CHCHD6: variants seen among roughly 807,000 people sequenced by gnomAD.
CHCHD6 encodes MICOS complex subunit MIC25.
In CHCHD6, 28 loss-of-function variants were observed where a neutral mutation model predicts 32.3. That is an observed-to-expected ratio of 0.87 (90% confidence interval 0.64 to 1.19). The LOEUF (loss-of-function observed/expected upper bound fraction) is 1.19. Among genes scored for constraint, CHCHD6 ranks in the 50% most tolerant of loss-of-function variants. The pLI, the probability that CHCHD6 is intolerant of heterozygous loss-of-function variation, is 0.00. For missense variants in CHCHD6, 333 were observed against 307.0 expected (o/e 1.08, Z -0.63); for synonymous variants, 122 against 117.5 (o/e 1.04, Z -0.25).
intron 1 of CHCHD6, among the ~76,000 whole-genome samples, chr3:126,716,958 A>AGT (rs1176933944): frequency 6.6e-6 from 1 of 152,004 alleles, no homozygotes; most frequent in Non-Finnish European, 1.5e-5. Context: ...TAGCTTCTGT[A>AGT]GTGGTTGTCC....
rs376499032 is a variant in CHCHD6, at chr3:126,852,758, C to T, written c.495+28C>T. 118 of 1,510,502 alleles carry T rather than the reference C, an allele frequency of 7.8e-5. No individual in the cohort carries two copies. In the Middle Eastern group the frequency reaches 8.6e-4, roughly 11 times the overall value. 93.6% of individuals were successfully genotyped at this position (1,510,502 alleles called of 1,614,324 possible). ...AAGACTCCTGCTTGGCTGCATTCCT[C>T]GGGGCCAGGTCCTAAAGGCATCTGA... is the stretch of plus-strand genomic sequence containing the variant. On this transcript the variant is annotated intron_variant, in intron 5 of 7. Coordinates refer to ENST00000290913, the MANE Select transcript of CHCHD6 (RefSeq NM_032343.3).
intron 6 of CHCHD6, among the ~76,000 whole-genome samples, chr3:126,926,149 C>T (rs954330065): frequency 6.6e-6 from 1 of 152,194 alleles, no homozygotes; most frequent in Admixed American, 6.5e-5. Context: ...TCCTCCTGGC[C>T]CACCCAAGAC....
intron 4 of CHCHD6, among the ~76,000 whole-genome samples, chr3:126,780,684 T>G (rs1328808632): frequency 6.6e-6 from 1 of 152,146 alleles, no homozygotes; most frequent in African/African-American, 2.4e-5. Flanking sequence ...GTGGTGCTGT[T>G]TCAGGCCTTT....
chr3:126,734,458 G>C (rs1935952498), intron 4 of CHCHD6, among the ~76,000 whole-genome samples: 1 of 152,234 alleles, frequency 6.6e-6, no homozygotes, highest in Admixed American at 6.5e-5. Flanking sequence ...GCTCTCCTGG[G>C]AGGCCAGACA....
chr3:126,862,456 T>C (rs1576513078), intron 5 of CHCHD6, among the ~76,000 whole-genome samples: 3 of 114,862 alleles, frequency 2.6e-5, no homozygotes, highest in Admixed American at 8.8e-5. Flanking sequence ...CACCACCTCC[T>C]CCTCCACCAT....
intron 4 of CHCHD6, among the ~76,000 whole-genome samples, chr3:126,791,924 C>T (rs1459666992): frequency 6.6e-6 from 1 of 152,288 alleles, no homozygotes; most frequent in African/African-American, 2.4e-5. Flanking sequence ...CTTTCTGTTT[C>T]TGTCAGTTTG....
chr3:126,936,497 A>G (rs1481313343), intron 6 of CHCHD6, among the ~76,000 whole-genome samples: 1 of 152,230 alleles, frequency 6.6e-6, no homozygotes, highest in Non-Finnish European at 1.5e-5. Context: ...ATAATTTTTT[A>G]TATTGAAAGA....
At chr3:126,712,347 AC>A (rs2107650210) in intron 1 of CHCHD6, among the ~76,000 whole-genome samples, 1 of 152,302 alleles carries the variant, frequency 6.6e-6, no homozygotes, top group South Asian at 2.1e-4. Flanking sequence ...AGTTATTTCC[AC>A]CTTCTGACTT....
intron 1 of CHCHD6, among the ~76,000 whole-genome samples, chr3:126,705,761 G>A (rs768487190): frequency 6.6e-5 from 10 of 152,096 alleles, no homozygotes; most frequent in Non-Finnish European, 1.5e-4. Flanking sequence ...CAGGAGTTCT[G>A]GCAGGTGCTC....
chr3:126,836,772 T>A (rs965402952), intron 4 of CHCHD6, among the ~76,000 whole-genome samples: 1 of 152,070 alleles, frequency 6.6e-6, no homozygotes, highest in Non-Finnish European at 1.5e-5. Flanking sequence ...AGACCAGGGC[T>A]CAGCTGTTCT....
At position 126,920,980 on chromosome 3, in the gene CHCHD6, C is replaced by T. The variant is rs189940311; in HGVS notation, c.566+6230C>T. Among the ~76,000 whole-genome samples, 6 of 151,956 alleles carry T rather than the reference C, an allele frequency of 3.9e-5. No individual in the cohort carries two copies. The East Asian group carries it at 5.8e-4, about 15-fold the overall frequency. Reference sequence around the variant, plus strand: ...ATTCCAACTTAATTTTTTTTTCCCTCGGGGAAGAGCATAGGCCTTTCACAA... The same window carrying T: ...ATTCCAACTTAATTTTTTTTTCCCTTGGGGAAGAGCATAGGCCTTTCACAA... On this transcript the variant is annotated intron_variant, in intron 6 of 7. Transcript: ENST00000290913.
intron 6 of CHCHD6, among the ~76,000 whole-genome samples, chr3:126,939,555 A>G (rs2078530192): frequency 6.6e-6 from 1 of 152,214 alleles, no homozygotes; most frequent in African/African-American, 2.4e-5. Context: ...CCAGCAGCAA[A>G]GAAGAATGCC....
chr3:126,733,207 G>T lies in CHCHD6; in HGVS notation c.396G>T (p.Gln132His), dbSNP rs1372594628. ...TGEGSISHEE[Q>H]KSVRLARELE... is the part of the protein sequence containing the mutation. Reference sequence around the variant, plus strand: ...AAGGCAGCATCAGCCATGAGGAGCAGAAGTCAGTCCGGCTGGTGAGTGCAG... The same window carrying T: ...AAGGCAGCATCAGCCATGAGGAGCATAAGTCAGTCCGGCTGGTGAGTGCAG... Residue 132 changes from glutamine (Q) to histidine (H), a missense_variant, in exon 4 of 8, where the codon CAG becomes CAT. Transcript: ENST00000290913. 2.5e-6 allele frequency: 4 copies of T among 1,613,904 alleles called. No individual in the cohort carries two copies. In the African/African-American group the frequency reaches 5.3e-5, roughly 22 times the overall value.
chr3:126,779,442 C>T (rs1937813039), intron 4 of CHCHD6, among the ~76,000 whole-genome samples: 1 of 146,416 alleles, frequency 6.8e-6, no homozygotes, highest in Non-Finnish European at 1.5e-5. Context: ...GAGGCTGAGG[C>T]AGGAGAATCA....
At position 126,727,113 on chromosome 3, in the gene CHCHD6, C is replaced by T; in HGVS notation, c.123C>T (p.Pro41=). The change falls in exon 2 of 8, where the codon CCC becomes CCT. Residue 41 remains proline (P), a synonymous_variant. Coordinates refer to ENST00000290913, the MANE Select transcript of CHCHD6 (RefSeq NM_032343.3). ...SENVVNRMKE[P]SSPPPAPTSS... ...ACGTGGTGAACCGCATGAAGGAGCCCAGCTCTCCACCCCCTGCTCCCACAT... is the reference window on the plus strand; with the variant it reads ...ACGTGGTGAACCGCATGAAGGAGCCTAGCTCTCCACCCCCTGCTCCCACAT... 2 of 1,614,062 alleles carry T rather than the reference C, an allele frequency of 1.2e-6. No individual in the cohort carries two copies. The highest frequency in any genetic ancestry group is 1.7e-6 in the Non-Finnish European group (2 of 1,179,950).
At chr3:126,923,561 C>T (rs149756407) in intron 6 of CHCHD6, among the ~76,000 whole-genome samples, 1,544 of 152,354 alleles carry the variant, frequency 0.01, 6 homozygotes, top group Non-Finnish European at 0.017. Flanking sequence ...AGGCCCTGAA[C>T]GGTACAGGGC....
At chr3:126,891,038 A>G (rs1219416581) in intron 5 of CHCHD6, among the ~76,000 whole-genome samples, 2 of 152,174 alleles carry the variant, frequency 1.3e-5, no homozygotes, top group Admixed American at 6.5e-5. Flanking sequence ...TTTAGTAGCT[A>G]CTGTGTACCA....
At chr3:126,904,917 G>T (rs535434579) in intron 5 of CHCHD6, among the ~76,000 whole-genome samples, 1 of 152,196 alleles carries the variant, frequency 6.6e-6, no homozygotes, top group Non-Finnish European at 1.5e-5. Context: ...GGGGAAGGGT[G>T]GGGTGCCCTG....
intron 1 of CHCHD6, among the ~76,000 whole-genome samples, chr3:126,710,771 T>A (rs547753757): frequency 7.9e-5 from 12 of 152,356 alleles, no homozygotes; most frequent in Non-Finnish European, 1.3e-4. Flanking sequence ...TTTCTGTATA[T>A]TGACTTTGTA....
Sources: allele counts gnomAD v4.1 joint callset (sites outside exome capture counted in the v4.1 genomes callset), GRCh38; gene constraint gnomAD v4.1.1; transcripts MANE v1.5; gene names NCBI Gene and HGNC (gene_info 2026-07-23, HGNC 2026-07-21).